DLG1: variants seen among roughly 807,000 people sequenced by gnomAD.
DLG1 encodes disks large homolog 1.
Under a neutral mutation model 123.4 loss-of-function variants are expected in DLG1, and 42 were observed. The observed-to-expected ratio is 0.34, with a 90% confidence interval of 0.27 to 0.44. The LOEUF (loss-of-function observed/expected upper bound fraction) is 0.44, where lower values mean the gene tolerates loss of function less well. Ranked by LOEUF, DLG1 falls within the 20% of genes least tolerant of loss-of-function variation. DLG1 has a pLI of 1.00. For synonymous variants in DLG1, 317 were observed against 356.2 expected (o/e 0.89, Z 1.24); for missense variants, 942 against 1,082.6 (o/e 0.87, Z 1.82).
At chr3:197,101,725 C>T (rs545623388) in intron 14 of DLG1, among the ~76,000 whole-genome samples, 2 of 152,076 alleles carry the variant, frequency 1.3e-5, no homozygotes, top group South Asian at 4.2e-4. Context: ...TGTGATAAAA[C>T]TTTATAACTT....
At chr3:197,156,265 T>A (rs926783819) in intron 5 of DLG1, among the ~76,000 whole-genome samples, 2 of 152,126 alleles carry the variant, frequency 1.3e-5, no homozygotes, top group African/African-American at 4.8e-5. Flanking sequence ...GGATGTTAAA[T>A]GTAATCCCCA....
At chr3:197,152,301 C>T (rs770724455) in intron 5 of DLG1, among the ~76,000 whole-genome samples, 6 of 151,794 alleles carry the variant, frequency 4.0e-5, no homozygotes, top group Admixed American at 6.6e-5. Flanking sequence ...GCAATGAGGG[C>T]TTTTTCTTCA....
intron 14 of DLG1, among the ~76,000 whole-genome samples, chr3:197,100,081 G>A (rs1398667067): frequency 3.3e-5 from 5 of 152,128 alleles, no homozygotes; most frequent in African/African-American, 7.2e-5. Flanking sequence ...CAGCACAGGC[G>A]CGTAGAAAAA....
chr3:197,045,738 G>C (rs577125859), intron 24 of DLG1, among the ~76,000 whole-genome samples: 24 of 152,190 alleles, frequency 1.6e-4, no homozygotes, highest in African/African-American at 5.8e-4. Flanking sequence ...TGACAGAGTG[G>C]AACCTTGTGT....
Position 197,138,289 on chromosome 3 carries a change from C to T in DLG1, c.816G>A (p.Leu272=), listed in dbSNP as rs776100936. ...ACACTGGTTTCCTTCTTTTTACATA[C>T]AAGCGTACAATAGACCCTGCTTCTT... ...ALKEAGSIVR[L]YVKRRKPVSE... is the part of the protein sequence containing the mutation. Residue 272 remains leucine (L), a synonymous_variant, in exon 9 of 25, where the codon TTG becomes TTA. Transcript: ENST00000667157. 1 of 1,603,932 alleles carries T rather than the reference C, an allele frequency of 6.2e-7. No individual in the cohort carries two copies. The highest frequency in any genetic ancestry group is 1.1e-5 in the South Asian group (1 of 89,812).
chr3:197,126,562 T>C (rs1779242571), intron 11 of DLG1, among the ~76,000 whole-genome samples: 3 of 152,012 alleles, frequency 2.0e-5, no homozygotes. Flanking sequence ...ATAGGCAGCA[T>C]TTAAAATAAG....
chr3:197,129,511 G>A (rs1358293141), intron 11 of DLG1, among the ~76,000 whole-genome samples: 1 of 152,180 alleles, frequency 6.6e-6, no homozygotes, highest in Non-Finnish European at 1.5e-5. Flanking sequence ...CAATCAGATT[G>A]TCTTGCTTTC....
At chr3:197,050,404 C>T (rs1000026288) in intron 24 of DLG1, among the ~76,000 whole-genome samples, 1 of 151,444 alleles carries the variant, frequency 6.6e-6, no homozygotes, top group Non-Finnish European at 1.5e-5. Flanking sequence ...CCAAAAAAAC[C>T]CAACAACAAA....
chr3:197,069,414 A>G (rs1742065229), intron 18 of DLG1, 154 bp from the exon 19 acceptor site: 1 of 466,554 alleles, frequency 2.1e-6, no homozygotes, highest in Admixed American at 4.1e-5. Flanking sequence ...TTTTCAAATA[A>G]TAAATATATA....
At chr3:197,167,832 G>A (rs1802179981) in intron 5 of DLG1, among the ~76,000 whole-genome samples, 1 of 152,144 alleles carries the variant, frequency 6.6e-6, no homozygotes. Context: ...AAGCTTCCTT[G>A]TGCCTCTGTT....
At chr3:197,135,251 T>C (rs1365666635) in intron 10 of DLG1, among the ~76,000 whole-genome samples, 2 of 152,244 alleles carry the variant, frequency 1.3e-5, no homozygotes, top group African/African-American at 4.8e-5. Context: ...TATGGCTCTG[T>C]GTCCCCACCC....
chr3:197,114,590 A>T (rs982957861), intron 13 of DLG1, among the ~76,000 whole-genome samples: 2 of 152,242 alleles, frequency 1.3e-5, no homozygotes, highest in African/African-American at 4.8e-5. Context: ...AAGGGCTTGC[A>T]CACTAAGGTG....
At chr3:197,151,024 T>C (rs1175275308) in intron 5 of DLG1, among the ~76,000 whole-genome samples, 3 of 152,098 alleles carry the variant, frequency 2.0e-5, no homozygotes, top group Non-Finnish European at 4.4e-5. Flanking sequence ...ACTCAACAAA[T>C]AAAAATTGTA....
chr3:197,238,837 C>T (rs1257400414), intron 4 of DLG1, among the ~76,000 whole-genome samples: 2 of 152,080 alleles, frequency 1.3e-5, no homozygotes, highest in Non-Finnish European at 2.9e-5. Flanking sequence ...GAAAGCAGTG[C>T]TAAGGAGTAA....
intron 3 of DLG1, among the ~76,000 whole-genome samples, chr3:197,287,430 G>C (rs1194557188): frequency 3.5e-5 from 5 of 142,896 alleles, no homozygotes; most frequent in African/African-American, 1.0e-4. Flanking sequence ...TTGGGGCTTA[G>C]AGCATTGGGA....
Position 197,042,783 on chromosome 3 carries a change from G to A in DLG1, c.*1840C>T, listed in dbSNP as rs1265177142. On this transcript the variant is annotated 3_prime_UTR_variant, in exon 25 of 25. Transcript: ENST00000667157. ...CGACATTTAGTCTAACAGCAGCACT[G>A]TGTATTTCAATGTGGTAACACACTC... 3.3e-5 allele frequency: 5 copies of A among 152,208 alleles called. No homozygotes were observed. The highest frequency in any genetic ancestry group is 7.3e-5 in the Non-Finnish European group (5 of 68,036). The allele number at this position is 152,208 out of a possible 1,614,324, so 9.4% of individuals were successfully genotyped here.
intron 4 of DLG1, among the ~76,000 whole-genome samples, chr3:197,261,579 A>C (rs905758326): frequency 6.6e-6 from 1 of 152,218 alleles, no homozygotes; most frequent in East Asian, 1.9e-4. Context: ...CAAACAACTG[A>C]ACTGTTCCTA....
intron 13 of DLG1, among the ~76,000 whole-genome samples, chr3:197,109,202 A>G (rs1768352939): frequency 6.6e-6 from 1 of 152,098 alleles, no homozygotes; most frequent in Non-Finnish European, 1.5e-5. Flanking sequence ...CCTTATCTCT[A>G]AAAAAATAAA....
At chr3:197,164,361 C>G (rs1800238951) in intron 5 of DLG1, among the ~76,000 whole-genome samples, 1 of 152,020 alleles carries the variant, frequency 6.6e-6, no homozygotes, top group African/African-American at 2.4e-5. Context: ...TGCGCCATTG[C>G]ACTCCAGCCT....
Sources: allele counts gnomAD v4.1 joint callset (sites outside exome capture counted in the v4.1 genomes callset), GRCh38; gene constraint gnomAD v4.1.1; transcripts MANE v1.5; gene names NCBI Gene and HGNC (gene_info 2026-07-23, HGNC 2026-07-21).